Variants in GPC6 observed in about 807,000 individuals in gnomAD.
The protein encoded by GPC6 is glypican-6.
Under a neutral mutation model 55.2 loss-of-function variants are expected in GPC6, and 14 were observed. The observed-to-expected ratio is 0.25, with a 90% CI of 0.17 to 0.40. The LOEUF (loss-of-function observed/expected upper bound fraction) is 0.40, where lower values mean the gene tolerates loss of function less well. GPC6 is among the 10% of genes least tolerant of loss of function. GPC6 has a pLI of 1.00. For synonymous variants in GPC6, 278 were observed against 259.6 expected, an observed-to-expected ratio of 1.07 and a Z score of -0.68; for missense variants, 641 against 708.5, an observed-to-expected ratio of 0.90 and a Z score of 1.08.
intron 6 of GPC6, among the ~76,000 whole-genome samples, chr13:94,375,321 A>G (rs1057504841): frequency 3.9e-4 from 59 of 152,208 alleles, no homozygotes; most frequent in Non-Finnish European, 7.3e-5. Context: ...ATAAAGAAAA[A>G]AAGAGAGAAG....
intron 1 of GPC6, among the ~76,000 whole-genome samples, chr13:93,451,931 G>C (rs1485149778): frequency 4.6e-5 from 7 of 152,032 alleles, no homozygotes; most frequent in African/African-American, 1.7e-4. Context: ...GTTAATCTAG[G>C]TGGAAGAAAA....
chr13:93,391,486 G>T (rs550323457), intron 1 of GPC6, among the ~76,000 whole-genome samples: 6 of 152,174 alleles, frequency 3.9e-5, no homozygotes, highest in African/African-American at 1.2e-4. Context: ...TCCACGACTT[G>T]GTTGTACACT....
intron 4 of GPC6, among the ~76,000 whole-genome samples, chr13:94,150,177 T>C (rs2138894172): frequency 6.6e-6 from 1 of 152,250 alleles, no homozygotes; most frequent in Non-Finnish European, 1.5e-5. Context: ...CTTCCCTTCC[T>C]ACACAAATCC....
chr13:93,820,874 G>A (rs961751576), intron 2 of GPC6, among the ~76,000 whole-genome samples: 3 of 151,934 alleles, frequency 2.0e-5, no homozygotes, highest in Non-Finnish European at 4.4e-5. Flanking sequence ...TTTAGCTACC[G>A]TGCAAAGGAA....
chr13:93,980,058 T>G (rs531758441), intron 3 of GPC6, among the ~76,000 whole-genome samples: 3 of 152,248 alleles, frequency 2.0e-5, no homozygotes, highest in Non-Finnish European at 4.4e-5. Flanking sequence ...CTAAATGGAT[T>G]TGGACCAAGA....
chr13:93,427,694 C>G (rs1263558946), intron 1 of GPC6, among the ~76,000 whole-genome samples: 1 of 152,100 alleles, frequency 6.6e-6, no homozygotes, highest in African/African-American at 2.4e-5. Context: ...CTTAGGGAGC[C>G]TTCAACCTTG....
intron 4 of GPC6, among the ~76,000 whole-genome samples, chr13:94,045,745 C>CAAA (rs541767325): frequency 8.6e-6 from 1 of 116,202 alleles, no homozygotes; most frequent in Admixed American, 9.3e-5. Flanking sequence ...CATGGATTTT[C>CAAA]AAAAAAAAAA....
intron 7 of GPC6, among the ~76,000 whole-genome samples, chr13:94,393,006 T>A (rs932688631): frequency 6.6e-6 from 1 of 152,228 alleles, no homozygotes; most frequent in African/African-American, 2.4e-5. Context: ...TTCCAATCTC[T>A]CCACATTTTT....
Position 93,644,838 on chromosome 13 carries a change from C to T in GPC6, c.319+99417C>T, listed in dbSNP as rs1329823335. ...GTGGCCCATAAACTGACATTTTATT[C>T]CTGTATTTTTTCCCTGAAATTAAGG... On this transcript the variant is annotated intron_variant, in intron 2 of 8. Transcript: ENST00000377047. 2.0e-5 allele frequency among the ~76,000 whole-genome samples: 3 copies of T among 151,756 alleles called. No homozygotes were observed. The East Asian group carries it at 5.8e-4, about 29-fold the overall frequency.
At chr13:93,461,969 A>G (rs1257453831) in intron 1 of GPC6, among the ~76,000 whole-genome samples, 1 of 152,214 alleles carries the variant, frequency 6.6e-6, no homozygotes, top group Non-Finnish European at 1.5e-5. Context: ...ATGGTATCAC[A>G]TAATACATCA....
chr13:93,760,867 G>A (rs1017732031), intron 2 of GPC6, among the ~76,000 whole-genome samples: 9 of 152,110 alleles, frequency 5.9e-5, no homozygotes, highest in African/African-American at 2.2e-4. Context: ...AAAGCACCAT[G>A]AAAAATCATT....
intron 3 of GPC6, among the ~76,000 whole-genome samples, chr13:93,970,903 G>T (rs1466115177): frequency 6.6e-6 from 1 of 152,140 alleles, no homozygotes; most frequent in Non-Finnish European, 1.5e-5. Flanking sequence ...AAAAAGACAA[G>T]ATACAATGTG....
chr13:93,774,485 G>T (rs1042277940), intron 2 of GPC6, among the ~76,000 whole-genome samples: 1 of 152,112 alleles, frequency 6.6e-6, no homozygotes, highest in African/African-American at 2.4e-5. Context: ...TCTCCTTCGT[G>T]TATTATTTTT....
intron 2 of GPC6, among the ~76,000 whole-genome samples, chr13:93,822,948 C>T (rs1421589309): frequency 1.3e-5 from 2 of 151,688 alleles, no homozygotes; most frequent in Non-Finnish European, 2.9e-5. Context: ...CCTGCAACCT[C>T]TGCCTCCTGG....
rs942745057 is a variant in GPC6, at chr13:93,472,270, G to A, written c.161-72993G>A. Among the ~76,000 whole-genome samples, 16 of 152,192 alleles carry A rather than the reference G, an allele frequency of 1.1e-4. No homozygotes were observed. The South Asian group carries it at 1.2e-3, about 12-fold the overall frequency. On this transcript the variant is annotated intron_variant, in intron 1 of 8. Transcript: ENST00000377047. The stretch of plus-strand genomic sequence containing the variant: ...ACCTGTGGCTGCTGGTGCCTTTTCC[G>A]CATTTTCCTAGGGCCCACAGGGCCC...
chr13:93,831,232 A>T (rs1343232542), intron 3 of GPC6, among the ~76,000 whole-genome samples: 1 of 152,208 alleles, frequency 6.6e-6, no homozygotes, highest in African/African-American at 2.4e-5. Context: ...CTTGAAGATA[A>T]CATCTCTATA....
At chr13:93,970,824 GA>G (rs1594630825) in intron 3 of GPC6, among the ~76,000 whole-genome samples, 1 of 152,146 alleles carries the variant, frequency 6.6e-6, no homozygotes, top group Non-Finnish European at 1.5e-5. Flanking sequence ...AGCCTCAAAG[GA>G]AAGATGTGCA....
intron 1 of GPC6, among the ~76,000 whole-genome samples, chr13:93,396,963 T>A (rs115276405): frequency 0.023 from 3,469 of 152,268 alleles, 131 homozygotes; most frequent in African/African-American, 0.079. Context: ...AAAGCATACT[T>A]TACATACTAA....
intron 3 of GPC6, among the ~76,000 whole-genome samples, chr13:94,016,857 G>A (rs1882485991): frequency 6.9e-6 from 1 of 145,964 alleles, no homozygotes; most frequent in Admixed American, 6.8e-5. Flanking sequence ...TTTTTGAGAT[G>A]GAGTTTCGCT....
Sources: allele counts gnomAD v4.1 joint callset (sites outside exome capture counted in the v4.1 genomes callset), GRCh38; gene constraint gnomAD v4.1.1; transcripts MANE v1.5; gene names NCBI Gene and HGNC (gene_info 2026-07-23, HGNC 2026-07-21).